Variants in ITFG1 observed in about 807,000 individuals in gnomAD.
ITFG1 encodes the protein integrin alpha FG-GAP repeat containing 1.
ITFG1 carries 34 observed loss-of-function variants against 81.8 expected under a neutral mutation model. The ratio of observed to expected loss-of-function variants is 0.42; its 90% CI spans 0.32 to 0.55. ITFG1 has a LOEUF of 0.55. Among genes scored for constraint, ITFG1 ranks in the 20% least tolerant of loss-of-function variants. The pLI is 0.17. For synonymous variants in ITFG1, 285 were observed against 270.6 expected, an observed-to-expected ratio of 1.05 and a Z score of -0.52; for missense variants, 672 against 755.4, an observed-to-expected ratio of 0.89 and a Z score of 1.29.
intron 13 of ITFG1, among the ~76,000 whole-genome samples, chr16:47,227,329 TA>T (rs1965768928): frequency 6.6e-6 from 1 of 152,208 alleles, no homozygotes; most frequent in African/African-American, 2.4e-5. Context: ...ACCTTTTACA[TA>T]CTTGGGTTAT....
intron 14 of ITFG1, among the ~76,000 whole-genome samples, chr16:47,168,545 G>GTTTTTTTTTTTT (rs758632507): frequency 8.5e-6 from 1 of 117,680 alleles, no homozygotes; most frequent in Non-Finnish European, 1.8e-5. Context: ...CTAATTAAAA[G>GTTTTTTTTTTTT]TTTTTTTTTT....
intron 14 of ITFG1, among the ~76,000 whole-genome samples, chr16:47,174,253 A>T (rs1427011042): frequency 6.6e-6 from 1 of 152,152 alleles, no homozygotes; most frequent in Non-Finnish European, 1.5e-5. Flanking sequence ...TAGGCAAGAT[A>T]TTGAAGCCAA....
chr16:47,242,357 C>T (rs1965944973), intron 12 of ITFG1, among the ~76,000 whole-genome samples: 1 of 149,540 alleles, frequency 6.7e-6, no homozygotes, highest in Non-Finnish European at 1.5e-5. Context: ...CTGAGAAAGA[C>T]ACTCAACTGC....
At chr16:47,246,904 C>T (rs1027978081) in intron 12 of ITFG1, among the ~76,000 whole-genome samples, 4 of 152,084 alleles carry the variant, frequency 2.6e-5, no homozygotes, top group East Asian at 3.9e-4. Flanking sequence ...CTGTGATTTT[C>T]GTGCCTCAGC....
intron 10 of ITFG1, among the ~76,000 whole-genome samples, chr16:47,272,701 A>G (rs944032256): frequency 1.3e-5 from 2 of 151,916 alleles, no homozygotes; most frequent in African/African-American, 4.8e-5. Flanking sequence ...CAGCCTGAAT[A>G]CACTTTTAAA....
chr16:47,438,211 C>A (rs971084296), intron 5 of ITFG1, among the ~76,000 whole-genome samples: 25 of 152,228 alleles, frequency 1.6e-4, no homozygotes, highest in African/African-American at 6.0e-4. Context: ...GAGGCCACCA[C>A]AGCTCAAGGA....
At chr16:47,163,335 T>C (rs2052372330) in intron 14 of ITFG1, among the ~76,000 whole-genome samples, 1 of 152,216 alleles carries the variant, frequency 6.6e-6, no homozygotes, top group Admixed American at 6.5e-5. Flanking sequence ...ATCACTAATC[T>C]GCTTTCTGAC....
chr16:47,379,623 T>C (rs759339703), intron 6 of ITFG1, among the ~76,000 whole-genome samples: 58 of 150,264 alleles, frequency 3.9e-4, no homozygotes, highest in Non-Finnish European at 7.7e-4. Context: ...AGGTGGAGGT[T>C]GCAGTGAGCC....
intron 14 of ITFG1, among the ~76,000 whole-genome samples, chr16:47,177,386 T>C (rs1052371129): frequency 3.3e-5 from 5 of 152,194 alleles, no homozygotes; most frequent in African/African-American, 9.7e-5. Flanking sequence ...ATAAAGTGTA[T>C]AGTATTTGAT....
At chr16:47,322,301 A>C (rs1967459955) in intron 8 of ITFG1, among the ~76,000 whole-genome samples, 1 of 152,216 alleles carries the variant, frequency 6.6e-6, no homozygotes, top group African/African-American at 2.4e-5. Context: ...AAAGTTAACT[A>C]AATTAGCTTT....
intron 14 of ITFG1, among the ~76,000 whole-genome samples, chr16:47,179,469 T>C (rs573558926): frequency 1.1e-3 from 164 of 152,248 alleles, no homozygotes; most frequent in African/African-American, 3.3e-3. Flanking sequence ...ACTTAAAGTA[T>C]ATAAAAAAAT....
intron 12 of ITFG1, among the ~76,000 whole-genome samples, chr16:47,251,368 G>A (rs1235701711): frequency 6.6e-6 from 1 of 152,204 alleles, no homozygotes; most frequent in East Asian, 1.9e-4. Flanking sequence ...CCCAGCTTGT[G>A]AGCCCCAAAG....
At chr16:47,333,414 A>T (rs1199163602) in intron 8 of ITFG1, among the ~76,000 whole-genome samples, 1 of 152,190 alleles carries the variant, frequency 6.6e-6, no homozygotes, top group African/African-American at 2.4e-5. Context: ...AGAATTAGAG[A>T]CCTAGCAAGC....
chr16:47,335,126 G>C (rs1241059435), intron 8 of ITFG1, among the ~76,000 whole-genome samples: 1 of 152,180 alleles, frequency 6.6e-6, no homozygotes, highest in African/African-American at 2.4e-5. Context: ...GGAGGCCGAG[G>C]AGGGTGGATC....
At chr16:47,180,830 C>CT (rs1301780000) in intron 14 of ITFG1, among the ~76,000 whole-genome samples, 2 of 151,992 alleles carry the variant, frequency 1.3e-5, no homozygotes, top group Non-Finnish European at 2.9e-5. Flanking sequence ...AGGAGCGTCT[C>CT]TGCCTGGCCG....
chr16:47,361,182 G>A (rs1968103871), intron 8 of ITFG1, among the ~76,000 whole-genome samples: 1 of 152,064 alleles, frequency 6.6e-6, no homozygotes, highest in Admixed American at 6.6e-5. Flanking sequence ...AGAAGAAAGT[G>A]TGATCTCCTT....
intron 6 of ITFG1, among the ~76,000 whole-genome samples, chr16:47,386,619 A>G (rs1186394814): frequency 3.9e-5 from 6 of 152,196 alleles, no homozygotes; most frequent in African/African-American, 1.4e-4. Flanking sequence ...CCCCTTTTGT[A>G]GGCCTTTGGT....
chr16:47,219,464 G>A (rs1055196155), intron 13 of ITFG1, among the ~76,000 whole-genome samples: 2 of 152,026 alleles, frequency 1.3e-5, no homozygotes, highest in African/African-American at 4.8e-5. Flanking sequence ...CAGTTACAAT[G>A]GTGAGGTCTA....
chr16:47,355,774 TTTA>T (rs1398082349), intron 8 of ITFG1, among the ~76,000 whole-genome samples: 1 of 152,188 alleles, frequency 6.6e-6, no homozygotes, highest in African/African-American at 2.4e-5. Context: ...ATTGCTTGGG[TTTA>T]TTTTTTCTGG....
Sources: allele counts gnomAD v4.1 joint callset (sites outside exome capture counted in the v4.1 genomes callset), GRCh38; gene constraint gnomAD v4.1.1; transcripts MANE v1.5; gene names NCBI Gene and HGNC (gene_info 2026-07-23, HGNC 2026-07-21).